The following PTPRD variants were observed in gnomAD, a reference collection of about 807,000 sequenced individuals.
The protein encoded by PTPRD is protein tyrosine phosphatase receptor type D, also known as receptor-type tyrosine-protein phosphatase delta.
A neutral mutation model predicts 214.5 loss-of-function variants in PTPRD; 34 were observed. That is an observed-to-expected ratio of 0.16 (90% CI 0.12 to 0.21). PTPRD has a LOEUF of 0.21. Ranked by LOEUF, PTPRD falls within the 10% of genes least tolerant of loss-of-function variation. PTPRD has a pLI of 1.00. For missense variants in PTPRD, 2,545 were observed against 2,398.7 expected (o/e 1.06, Z -1.27); for synonymous variants, 1,128 against 845.7 (o/e 1.33, Z -5.79).
chr9:9,592,012 C>A (rs189421626), intron 7 of PTPRD, among the ~76,000 whole-genome samples: 129 of 152,144 alleles, frequency 8.5e-4, no homozygotes, highest in Middle Eastern at 6.8e-3. Flanking sequence ...TCTAGGAGAT[C>A]AACTTGTTTT....
At chr9:9,841,953 A>AT (rs769962104) in intron 5 of PTPRD, among the ~76,000 whole-genome samples, 47 of 151,420 alleles carry the variant, frequency 3.1e-4, no homozygotes, top group East Asian at 3.1e-3. Flanking sequence ...TGTTAAAAAC[A>AT]TTTTTTTTTA....
At chr9:9,411,626 G>A (rs926278912) in intron 8 of PTPRD, among the ~76,000 whole-genome samples, 2 of 152,186 alleles carry the variant, frequency 1.3e-5, no homozygotes, top group Admixed American at 6.5e-5. Context: ...ATGCTGCGAA[G>A]TTGAAAGGAG....
chr9:9,369,517 G>T (rs969927965), intron 9 of PTPRD, among the ~76,000 whole-genome samples: 1 of 152,024 alleles, frequency 6.6e-6, no homozygotes, highest in Admixed American at 6.6e-5. Flanking sequence ...TTAGCCTTTT[G>T]TCAGATGGGT....
At chr9:8,889,761 C>G (rs973182127) in intron 11 of PTPRD, among the ~76,000 whole-genome samples, 5 of 152,174 alleles carry the variant, frequency 3.3e-5, no homozygotes, top group Non-Finnish European at 7.4e-5. Context: ...TGGTCTCTAA[C>G]TCAATCCAGG....
chr9:10,430,906 A>G (rs912142913), intron 2 of PTPRD, among the ~76,000 whole-genome samples: 3 of 152,002 alleles, frequency 2.0e-5, no homozygotes, highest in Admixed American at 6.6e-5. Context: ...TGCTTTGATT[A>G]TATGGACATA....
chr9:8,685,759 A>G (rs559404155), intron 12 of PTPRD, among the ~76,000 whole-genome samples: 1 of 152,364 alleles, frequency 6.6e-6, no homozygotes, highest in Non-Finnish European at 1.5e-5. Context: ...TTAATAAACC[A>G]AATCTAATCA....
At position 10,466,623 on chromosome 9, in the gene PTPRD, C is replaced by CAAAAAAA. The variant is rs66705572; in HGVS notation, c.-599-125613_-599-125607dup. Reference sequence around the variant, plus strand: ...GGGCAACAAGAGCGAAACTCCAACTCAAAAAAAAAAAAAAAAAAAAAAAAA... The same window carrying CAAAAAAA: ...GGGCAACAAGAGCGAAACTCCAACTCAAAAAAAAAAAAAAAAAAAAAAAAAAAAAAAA... On this transcript the variant is annotated intron_variant, in intron 2 of 45. Transcript: ENST00000381196. Among the ~76,000 whole-genome samples the CAAAAAAA allele has an allele frequency of 4.3e-3, 327 of 76,872 alleles. 6 individuals carry two copies. The highest frequency in any genetic ancestry group is 0.015 in the African/African-American group (262 of 17,280). 50.4% of individuals were successfully genotyped at this position (76,872 alleles called of 152,430 possible). A position where few individuals can be genotyped will look rare whatever the true frequency, so the allele number is the denominator to read the frequency against.
intron 36 of PTPRD, among the ~76,000 whole-genome samples, chr9:8,393,979 T>C (rs755167657): frequency 6.6e-6 from 1 of 151,954 alleles, no homozygotes; most frequent in African/African-American, 2.4e-5. Flanking sequence ...TGTGATGAGG[T>C]GAATGATTGG....
intron 14 of PTPRD, among the ~76,000 whole-genome samples, chr9:8,623,498 C>T (rs1363892341): frequency 6.6e-6 from 1 of 151,744 alleles, no homozygotes; most frequent in Non-Finnish European, 1.5e-5. Context: ...TCTGCCTGTG[C>T]CAAAAAGTTC....
At chr9:10,107,853 G>A (rs1241489425) in intron 3 of PTPRD, among the ~76,000 whole-genome samples, 1 of 151,954 alleles carries the variant, frequency 6.6e-6, no homozygotes, top group Non-Finnish European at 1.5e-5. Flanking sequence ...TTTTCTCAGT[G>A]GCCTAAAGGT....
intron 40 of PTPRD, among the ~76,000 whole-genome samples, 180 bp downstream of exon 40, chr9:8,341,513 T>C (rs966484594): frequency 2.6e-5 from 4 of 152,068 alleles, no homozygotes; most frequent in African/African-American, 9.7e-5. Flanking sequence ...CAAGATATTG[T>C]TAGGAAGCAA....
At chr9:8,589,334 T>C (rs1009341102) in intron 14 of PTPRD, among the ~76,000 whole-genome samples, 1 of 152,172 alleles carries the variant, frequency 6.6e-6, no homozygotes, top group Non-Finnish European at 1.5e-5. Flanking sequence ...TAACATTTAA[T>C]GTAGCAAAAT....
At chr9:10,119,100 T>C (rs1450438886) in intron 3 of PTPRD, among the ~76,000 whole-genome samples, 2 of 151,988 alleles carry the variant, frequency 1.3e-5, no homozygotes, top group East Asian at 1.9e-4. Flanking sequence ...TCCTAAGTAA[T>C]AGTACTGCTG....
intron 3 of PTPRD, among the ~76,000 whole-genome samples, chr9:10,223,474 G>T (rs1027353274): frequency 6.6e-6 from 1 of 151,800 alleles, no homozygotes; most frequent in African/African-American, 2.4e-5. Context: ...GACCAGCCTG[G>T]CCAATGTGGC....
intron 3 of PTPRD, among the ~76,000 whole-genome samples, chr9:10,096,499 G>A (rs935179454): frequency 2.6e-5 from 4 of 151,914 alleles, no homozygotes; most frequent in Non-Finnish European, 5.9e-5. Flanking sequence ...GTGATGATGA[G>A]CATTTTTTCA....
intron 5 of PTPRD, among the ~76,000 whole-genome samples, chr9:9,828,074 A>C (rs1281277618): frequency 6.6e-6 from 1 of 152,130 alleles, no homozygotes; most frequent in Non-Finnish European, 1.5e-5. Context: ...AACTAGCTCA[A>C]CCCTTGTGGA....
chr9:8,891,256 C>A (rs2098537518), intron 11 of PTPRD, among the ~76,000 whole-genome samples: 1 of 151,396 alleles, frequency 6.6e-6, no homozygotes, highest in Non-Finnish European at 1.5e-5. Flanking sequence ...GCCTCAGCCT[C>A]CCGAGTAGCT....
At chr9:9,396,049 C>T (rs564026701) in intron 9 of PTPRD, among the ~76,000 whole-genome samples, 46 of 152,030 alleles carry the variant, frequency 3.0e-4, no homozygotes, top group Middle Eastern at 3.4e-3. Context: ...TTACAGTTTA[C>T]CCTGGAATAA....
intron 12 of PTPRD, among the ~76,000 whole-genome samples, chr9:8,651,932 C>A (rs1349926201): frequency 6.6e-6 from 1 of 152,198 alleles, no homozygotes; most frequent in Non-Finnish European, 1.5e-5. Flanking sequence ...TATCAAGTCC[C>A]TAATTTGTAT....
Sources: gnomAD v4.1 joint callset for allele counts (sites outside exome capture counted in the v4.1 genomes callset) on GRCh38, gnomAD v4.1.1 for gene constraint, MANE v1.5 for transcripts, NCBI Gene and HGNC (gene_info 2026-07-23, HGNC 2026-07-21) for gene names.